Variants in CHCHD6 observed in about 807,000 individuals in gnomAD.
The protein encoded by CHCHD6 is coiled-coil-helix-coiled-coil-helix domain containing 6.
Under a neutral mutation model 32.3 loss-of-function variants are expected in CHCHD6, and 28 were observed. The observed-to-expected ratio is 0.87, with a 90% confidence interval of 0.64 to 1.19. The LOEUF is 1.19. Among genes scored for constraint, CHCHD6 ranks in the 50% most tolerant of loss-of-function variants. The pLI is 0.00. For missense variants in CHCHD6, 333 were observed against 307.0 expected, an observed-to-expected ratio of 1.08 and a Z score of -0.63; for synonymous variants, 122 against 117.5, an observed-to-expected ratio of 1.04 and a Z score of -0.25.
In CHCHD6 at chr3:126,831,957, A is replaced by G. The variant is rs554432313; in HGVS notation, c.412-20690A>G. 4.6e-5 allele frequency among the ~76,000 whole-genome samples: 7 copies of G among 152,356 alleles called. No homozygotes were observed. In the East Asian group the frequency reaches 1.3e-3, roughly 29 times the overall value. ...ACTGTCTTGGGATCTTCCCTGGAGC[A>G]AGGGATAAAAAGATGGGATAAATGC... On this transcript the variant is annotated intron_variant, in intron 4 of 7. Transcript: ENST00000290913.
chr3:126,839,170 G>A (rs552004687), intron 4 of CHCHD6, among the ~76,000 whole-genome samples: 11 of 152,210 alleles, frequency 7.2e-5, no homozygotes, highest in Admixed American at 2.6e-4. Flanking sequence ...GATTATAGAC[G>A]TGAGCCACTG....
At chr3:126,901,014 C>T (rs1019431414) in intron 5 of CHCHD6, among the ~76,000 whole-genome samples, 1 of 152,254 alleles carries the variant, frequency 6.6e-6, no homozygotes, top group South Asian at 2.1e-4. Context: ...AACACCCCCC[C>T]CAGGCCCTAC....
intron 1 of CHCHD6, among the ~76,000 whole-genome samples, chr3:126,726,735 G>T (rs561644600): frequency 6.2e-4 from 95 of 152,324 alleles, no homozygotes; most frequent in Non-Finnish European, 1.2e-3. Flanking sequence ...GTGGTGGGCT[G>T]GAGGTGGTTC....
intron 6 of CHCHD6, among the ~76,000 whole-genome samples, chr3:126,945,217 G>T (rs1326043978): frequency 1.3e-5 from 2 of 152,050 alleles, no homozygotes; most frequent in Non-Finnish European, 2.9e-5. Context: ...CCATGTGCTT[G>T]TGTGGAGCTG....
chr3:126,744,738 A>C (rs1430885293), intron 4 of CHCHD6, among the ~76,000 whole-genome samples: 1 of 151,522 alleles, frequency 6.6e-6, no homozygotes, highest in African/African-American at 2.4e-5. Flanking sequence ...CCCAGGCTGG[A>C]GTGCAGTGGT....
chr3:126,889,762 G>A (rs373749558), intron 5 of CHCHD6, among the ~76,000 whole-genome samples: 52 of 152,320 alleles, frequency 3.4e-4, no homozygotes, highest in African/African-American at 1.1e-3. Flanking sequence ...TGGAGACTCC[G>A]TGAGTGTCAG....
chr3:126,781,939 A>C (rs1937962405), intron 4 of CHCHD6, among the ~76,000 whole-genome samples: 1 of 151,916 alleles, frequency 6.6e-6, no homozygotes, highest in African/African-American at 2.4e-5. Context: ...GAGGGTGGAG[A>C]TTAGGGGAGG....
chr3:126,950,578 C>T (rs1272177651), intron 6 of CHCHD6, among the ~76,000 whole-genome samples: 1 of 152,186 alleles, frequency 6.6e-6, no homozygotes, highest in Non-Finnish European at 1.5e-5. Flanking sequence ...AGCCTCCCAA[C>T]TAACTGGGAT....
At chr3:126,735,267 T>A (rs1204104158) in intron 4 of CHCHD6, among the ~76,000 whole-genome samples, 1 of 152,204 alleles carries the variant, frequency 6.6e-6, no homozygotes, top group Non-Finnish European at 1.5e-5. Context: ...TTCCCATTCT[T>A]ACTCCTGCAA....
intron 1 of CHCHD6, among the ~76,000 whole-genome samples, chr3:126,721,909 A>G (rs7648569): frequency 0.97 from 148,398 of 152,298 alleles, 72,325 homozygotes; most frequent in Middle Eastern, 1. Context: ...TCTCCATGTT[A>G]TAATGTGTCA....
chr3:126,762,151 C>A (rs1937183191), intron 4 of CHCHD6, among the ~76,000 whole-genome samples: 1 of 152,092 alleles, frequency 6.6e-6, no homozygotes, highest in Admixed American at 6.6e-5. Context: ...CATTTATCTC[C>A]ACTCTAATAA....
intron 6 of CHCHD6, among the ~76,000 whole-genome samples, chr3:126,955,586 T>C (rs907077791): frequency 1.3e-5 from 2 of 152,170 alleles, no homozygotes; most frequent in Non-Finnish European, 2.9e-5. Context: ...GGCGCTGGTG[T>C]GGCATGGCAG....
intron 5 of CHCHD6, among the ~76,000 whole-genome samples, chr3:126,855,761 A>G (rs2107554001): frequency 6.6e-6 from 1 of 152,054 alleles, no homozygotes; most frequent in East Asian, 1.9e-4. Context: ...TTTGCACGGG[A>G]CCCCTATTAA....
At chr3:126,715,151 C>T (rs1934950451) in intron 1 of CHCHD6, among the ~76,000 whole-genome samples, 1 of 152,100 alleles carries the variant, frequency 6.6e-6, no homozygotes, top group Admixed American at 6.6e-5. Context: ...TCTATTGTTT[C>T]CCAGTCTTCC....
In CHCHD6 at chr3:126,704,346, G is replaced by T; in HGVS notation, c.34G>T (p.Val12Leu). Residue 12 changes from valine to leucine, a missense_variant, in exon 1 of 8, where the codon GTG becomes TTG. Val to Leu is a conservative substitution (Grantham distance 32, BLOSUM62 1). Transcript: ENST00000290913. ...CACGGAGAGCAGCGAGGGCCGCAGG[G>T]TGTCCTTCGGAGTGGACGAGGAGGA... ...GSTESSEGRRVSFGVDEEERV... is the reference protein window; with the variant it reads ...GSTESSEGRRLSFGVDEEERV... 2 of 1,599,192 alleles carry T rather than the reference G, an allele frequency of 1.3e-6. No homozygotes were observed. Among genetic ancestry groups the T allele is most frequent in the Non-Finnish European group, 8.5e-7 (1 of 1,174,484 alleles).
chr3:126,805,926 A>C (rs1157461480), intron 4 of CHCHD6, among the ~76,000 whole-genome samples: 3 of 152,236 alleles, frequency 2.0e-5, no homozygotes, highest in Admixed American at 6.5e-5. Flanking sequence ...TCTTTGACAA[A>C]CCTGAGAAAA....
intron 4 of CHCHD6, among the ~76,000 whole-genome samples, chr3:126,768,732 A>G (rs557641517): frequency 1.3e-5 from 2 of 152,224 alleles, no homozygotes; most frequent in South Asian, 2.1e-4. Flanking sequence ...GCCAACATCT[A>G]TTATTTTTTG....
intron 5 of CHCHD6, among the ~76,000 whole-genome samples, chr3:126,909,421 C>T (rs1024561622): frequency 1.3e-5 from 2 of 152,220 alleles, no homozygotes; most frequent in Admixed American, 6.5e-5. Context: ...TCCCCGGCCT[C>T]CTCACCATGC....
At chr3:126,827,332 T>A (rs1361366749) in intron 4 of CHCHD6, among the ~76,000 whole-genome samples, 2 of 152,188 alleles carry the variant, frequency 1.3e-5, no homozygotes, top group African/African-American at 2.4e-5. Context: ...ATGAAAGCAG[T>A]TCCAGGCTGC....
Sources: allele counts gnomAD v4.1 joint callset (sites outside exome capture counted in the v4.1 genomes callset), GRCh38; gene constraint gnomAD v4.1.1; transcripts MANE v1.5; gene names NCBI Gene and HGNC (gene_info 2026-07-23, HGNC 2026-07-21).